DPP10: variants seen among roughly 807,000 people sequenced by gnomAD.
DPP10 encodes the protein inactive dipeptidyl peptidase 10.
Under a neutral mutation model 120.9 loss-of-function variants are expected in DPP10, and 33 were observed. The ratio of observed to expected loss-of-function variants is 0.27; its 90% CI spans 0.21 to 0.37. The LOEUF (loss-of-function observed/expected upper bound fraction) is 0.37. Among genes scored for constraint, DPP10 ranks in the 10% least tolerant of loss-of-function variants. DPP10 has a pLI of 1.00. For missense variants in DPP10, 816 were observed against 942.8 expected (o/e 0.87, Z 1.76); for synonymous variants, 337 against 326.1 (o/e 1.03, Z -0.36).
At chr2:115,690,015 T>C in intron 7 of DPP10, 94 bp downstream of exon 7, 1 of 1,297,904 alleles carries the variant, frequency 7.7e-7, no homozygotes, top group Non-Finnish European at 1.1e-6. Flanking sequence ...GGAAAACTTG[T>C]CCTACAAAAC....
chr2:114,943,004 C>T (rs538009806), intron 1 of DPP10, among the ~76,000 whole-genome samples: 2 of 152,188 alleles, frequency 1.3e-5, no homozygotes, highest in South Asian at 2.1e-4. Flanking sequence ...CACCCATCAA[C>T]CCATCACCTA....
At chr2:115,648,180 T>G (rs1179923080) in intron 5 of DPP10, among the ~76,000 whole-genome samples, 2 of 152,036 alleles carry the variant, frequency 1.3e-5, no homozygotes, top group East Asian at 3.9e-4. Context: ...CATTTAGAAT[T>G]AATCCTCTAT....
intron 7 of DPP10, among the ~76,000 whole-genome samples, chr2:115,702,532 A>G (rs1575562417): frequency 2.6e-5 from 4 of 152,252 alleles, no homozygotes; most frequent in Admixed American, 2.6e-4. Flanking sequence ...ACAAGAAGAA[A>G]TGAAGCACTG....
At chr2:115,730,310 G>A (rs760404258) in intron 8 of DPP10, among the ~76,000 whole-genome samples, 1 of 152,174 alleles carries the variant, frequency 6.6e-6, no homozygotes, top group Non-Finnish European at 1.5e-5. Flanking sequence ...CTAAGCAGAT[G>A]GGGTGAATGA....
At chr2:114,460,290 A>T (rs561095496) in intron 1 of DPP10, among the ~76,000 whole-genome samples, 30 of 152,210 alleles carry the variant, frequency 2.0e-4, no homozygotes, top group Non-Finnish European at 3.4e-4. Flanking sequence ...AAACTGACAT[A>T]TAAAATGATC....
chr2:115,679,412 C>A (rs1230121053), intron 5 of DPP10, among the ~76,000 whole-genome samples: 1 of 152,172 alleles, frequency 6.6e-6, no homozygotes, highest in African/African-American at 2.4e-5. Flanking sequence ...GCTCAGCACT[C>A]TTCTCTCTTT....
chr2:115,411,643 G>A (rs1325751950), intron 3 of DPP10, among the ~76,000 whole-genome samples: 2 of 152,180 alleles, frequency 1.3e-5, no homozygotes, highest in Non-Finnish European at 2.9e-5. Context: ...ATTTTGAGAA[G>A]CCTTAGAAAG....
chr2:115,777,267 G>C lies in DPP10; in HGVS notation c.1281G>C (p.Lys427Asn), dbSNP rs2149847227. The change falls in exon 14 of 26, where the codon AAG (lysine) becomes AAC (asparagine). Residue 427 changes from lysine to asparagine, a missense_variant. Physicochemically the swap from Lys to Asn is moderately conservative, Grantham distance 94. Coordinates refer to ENST00000410059, the MANE Select transcript of DPP10 (RefSeq NM_020868.6). ...CATCAGGAAACTGGGAAGTGATAAA[G>C]ATCTTGGCATACGATGAAACTACTC... is the stretch of plus-strand genomic sequence containing the variant. ...HLTSGNWEVI[K>N]ILAYDETTQK... is the part of the protein sequence containing the mutation. 1.2e-6 allele frequency: 2 copies of C among 1,613,120 alleles called. No individual in the cohort carries two copies. Among genetic ancestry groups the C allele is most frequent in the East Asian group, 4.5e-5 (2 of 44,854 alleles).
At chr2:114,671,788 C>T (rs909947497) in intron 1 of DPP10, among the ~76,000 whole-genome samples, 5 of 152,112 alleles carry the variant, frequency 3.3e-5, no homozygotes, top group South Asian at 2.1e-4. Context: ...TGCGTTTATT[C>T]GTACAGAATC....
chr2:115,836,523 A>G lies in DPP10; in HGVS notation c.2067A>G (p.Glu689=). The G allele has an allele frequency of 1.9e-6, 3 of 1,613,694 alleles. No individual in the cohort carries two copies. The highest frequency in any genetic ancestry group is 2.5e-6 in the Non-Finnish European group (3 of 1,179,842). The change falls in exon 23 of 26, where the codon GAA becomes GAG. Residue 689 remains glutamate (E), a synonymous_variant. Transcript: ENST00000410059. ...DLKLYASAFS[E]RYLGMPSKEE... ...GGGTCACAGCCTCAGCTTTCTCTGA[A>G]AGATACCTTGGGATGCCATCTAAGG...
At chr2:114,896,474 G>A (rs1001346991) in intron 1 of DPP10, among the ~76,000 whole-genome samples, 4 of 152,020 alleles carry the variant, frequency 2.6e-5, no homozygotes, top group African/African-American at 7.2e-5. Context: ...TGGATTCCTA[G>A]GTATTTTATT....
Position 115,177,566 on chromosome 2 carries a change from C to G in DPP10, c.61-131673C>G, listed in dbSNP as rs1046110036. 3.0e-4 allele frequency among the ~76,000 whole-genome samples: 45 copies of G among 152,098 alleles called. 1 individual carries two copies. Among genetic ancestry groups the G allele is most frequent in the Non-Finnish European group, 2.9e-5 (2 of 68,006 alleles). ...AACGTCTCCTTCCCAGAGTTGTTCC[C>G]CAGCTGTGCAGCTCCTCATTCTGTC... is the stretch of plus-strand genomic sequence containing the variant. On this transcript the variant is annotated intron_variant, in intron 1 of 25. Transcript: ENST00000410059.
chr2:115,189,910 C>G (rs528897602), intron 1 of DPP10, among the ~76,000 whole-genome samples: 1 of 152,240 alleles, frequency 6.6e-6, no homozygotes, highest in African/African-American at 2.4e-5. Flanking sequence ...ATTTACTCCT[C>G]CTGAGTTTTT....
intron 3 of DPP10, among the ~76,000 whole-genome samples, chr2:115,444,461 T>C (rs2104902343): frequency 6.6e-6 from 1 of 152,358 alleles, no homozygotes; most frequent in Middle Eastern, 3.4e-3. Flanking sequence ...AATTATGTTA[T>C]AATAAGTCTC....
At chr2:115,167,883 G>A (rs1336478733) in intron 1 of DPP10, among the ~76,000 whole-genome samples, 1 of 152,150 alleles carries the variant, frequency 6.6e-6, no homozygotes, top group East Asian at 1.9e-4. Flanking sequence ...CAGGCTAAAA[G>A]TAAACTTTGG....
intron 1 of DPP10, among the ~76,000 whole-genome samples, chr2:114,537,582 A>G (rs1298543367): frequency 6.6e-6 from 1 of 152,208 alleles, no homozygotes; most frequent in South Asian, 2.1e-4. Context: ...CATAATAGCA[A>G]TAATGACAAC....
At chr2:115,089,262 C>A (rs1030222796) in intron 1 of DPP10, among the ~76,000 whole-genome samples, 7 of 152,138 alleles carry the variant, frequency 4.6e-5, no homozygotes, top group African/African-American at 1.4e-4. Context: ...GACTTTCTTG[C>A]CATTATTCTT....
intron 1 of DPP10, among the ~76,000 whole-genome samples, chr2:114,939,707 G>A (rs1217315443): frequency 4.6e-5 from 7 of 152,022 alleles, no homozygotes; most frequent in Admixed American, 4.6e-4. Context: ...GTCCATTCAT[G>A]TTGTATAAAC....
chr2:114,540,073 G>A (rs777456279), intron 1 of DPP10, among the ~76,000 whole-genome samples: 14 of 152,138 alleles, frequency 9.2e-5, no homozygotes, highest in Non-Finnish European at 1.8e-4. Context: ...TGAGTAACAG[G>A]AAATGTGCAA....
Sources: allele counts gnomAD v4.1 joint callset (sites outside exome capture counted in the v4.1 genomes callset), GRCh38; gene constraint gnomAD v4.1.1; transcripts MANE v1.5; gene names NCBI Gene and HGNC (gene_info 2026-07-23, HGNC 2026-07-21).